Variants in PBX4 observed in about 807,000 individuals in gnomAD.
The protein encoded by PBX4 is PBX homeobox 4.
A neutral mutation model predicts 35.1 loss-of-function variants in PBX4; 26 were observed. That is an observed-to-expected ratio of 0.74 (90% CI 0.54 to 1.03). PBX4 has a LOEUF of 1.03. Ranked by LOEUF, PBX4 falls within the 50% of genes least tolerant of loss-of-function variation. The pLI is 0.00. For synonymous variants in PBX4, 199 were observed against 204.2 expected (o/e 0.97, Z 0.22); for missense variants, 448 against 504.3 (o/e 0.89, Z 1.07).
intron 1 of PBX4, among the ~76,000 whole-genome samples, chr19:19,603,426 G>A (rs963323456): frequency 2.0e-5 from 3 of 151,672 alleles, no homozygotes; most frequent in Admixed American, 6.6e-5. Flanking sequence ...ATTCTCCTGC[G>A]GCCTCCAGAG....
chr19:19,566,203 G>A (rs1444799770), intron 5 of PBX4, among the ~76,000 whole-genome samples: 2 of 152,182 alleles, frequency 1.3e-5, no homozygotes, highest in African/African-American at 4.8e-5. Flanking sequence ...GAGTCCCCCA[G>A]GGAGGGGCTT....
intron 1 of PBX4, chr19:19,608,732 G>A (rs1568399052): frequency 6.6e-6 from 1 of 152,560 alleles, no homozygotes; most frequent in Non-Finnish European, 1.5e-5. Context: ...CCTAGGCAAA[G>A]CCTCAAGTCC....
intron 2 of PBX4, among the ~76,000 whole-genome samples, chr19:19,599,067 C>G (rs568832522): frequency 2.6e-5 from 4 of 151,994 alleles, no homozygotes; most frequent in Non-Finnish European, 5.9e-5. Context: ...CTCCCAGGTT[C>G]AAGCGATTCT....
intron 2 of PBX4, among the ~76,000 whole-genome samples, chr19:19,585,950 G>A (rs1220383001): frequency 6.6e-6 from 1 of 152,190 alleles, no homozygotes; most frequent in East Asian, 1.9e-4. Context: ...AAGCCTGTTT[G>A]GTGGTCTCTT....
chr19:19,573,213 G>A (rs1005308051), intron 2 of PBX4, among the ~76,000 whole-genome samples: 1 of 151,758 alleles, frequency 6.6e-6, no homozygotes, highest in African/African-American at 2.4e-5. Flanking sequence ...GCTGAGGCAG[G>A]AGAATCGCTT....
At chr19:19,614,388 C>T (rs1273584819) in intron 1 of PBX4, among the ~76,000 whole-genome samples, 2 of 151,852 alleles carry the variant, frequency 1.3e-5, no homozygotes, top group African/African-American at 4.8e-5. Flanking sequence ...AATCCCAACA[C>T]TTTGAGAGGC....
At chr19:19,565,116 G>A in intron 5 of PBX4, 27 bp from the exon 6 acceptor site, 1 of 1,613,750 alleles carries the variant, frequency 6.2e-7, no homozygotes, top group East Asian at 2.2e-5. Context: ...GTCACTGGAG[G>A]AGCTGACCCA....
At chr19:19,565,385 T>C (rs1411963103) in intron 5 of PBX4, among the ~76,000 whole-genome samples, 2 of 152,138 alleles carry the variant, frequency 1.3e-5, no homozygotes, top group Non-Finnish European at 2.9e-5. Flanking sequence ...AACAAGACTG[T>C]CTGAGGTGGG....
At chr19:19,612,127 G>A (rs571375523) in intron 1 of PBX4, among the ~76,000 whole-genome samples, 17 of 151,952 alleles carry the variant, frequency 1.1e-4, no homozygotes, top group African/African-American at 2.4e-4. Context: ...AAATTAAGCC[G>A]GGCATGGTGG....
intron 2 of PBX4, among the ~76,000 whole-genome samples, chr19:19,591,536 G>A (rs1466201001): frequency 1.3e-5 from 2 of 152,248 alleles, no homozygotes; most frequent in Admixed American, 6.5e-5. Context: ...AGCCCTGGCT[G>A]AGAAACTTCT....
At position 19,565,044 on chromosome 19, in the gene PBX4, T is replaced by C. The variant is rs761236400; in HGVS notation, c.814A>G (p.Met272Val). The change falls in exon 6 of 8, where the codon ATG (methionine) becomes GTG (valine). Residue 272 changes from methionine (M) to valine (V), a missense_variant. Transcript: ENST00000251203. ...GNKRIRYKKN[M>V]GKFQEEATIY... Reference sequence around the variant, plus strand: ...GTAGCCTCTTCTTGAAACTTCCCCATGTTCTTTTTATACCGGATTCTTTTG... The same window carrying C: ...GTAGCCTCTTCTTGAAACTTCCCCACGTTCTTTTTATACCGGATTCTTTTG... 6.2e-7 allele frequency: 1 copy of C among 1,614,222 alleles called. No homozygotes were observed.
intron 2 of PBX4, among the ~76,000 whole-genome samples, chr19:19,572,116 CT>C (rs1418917027): frequency 7.5e-6 from 1 of 134,220 alleles, no homozygotes; most frequent in Non-Finnish European, 1.6e-5. Flanking sequence ...ATTCTGTCAC[CT>C]AGGCTGGGGT....
chr19:19,569,990 G>A, intron 4 of PBX4, 119 bp downstream of exon 4: 1 of 958,454 alleles, frequency 1.0e-6, no homozygotes, highest in Non-Finnish European at 1.5e-6. Context: ...GAGGCTGTGA[G>A]GCCTCCAACC....
At chr19:19,593,140 A>T (rs565898870) in intron 2 of PBX4, among the ~76,000 whole-genome samples, 1 of 152,288 alleles carries the variant, frequency 6.6e-6, no homozygotes, top group Admixed American at 6.5e-5. Context: ...TGTGTTGCCC[A>T]GGTTGGTCTC....
intron 6 of PBX4, 153 bp downstream of exon 6, chr19:19,564,780 G>C: frequency 1.0e-6 from 1 of 962,314 alleles, no homozygotes; most frequent in Non-Finnish European, 1.6e-6. Context: ...TGGCCAAGAG[G>C]AACAGAACTC....
chr19:19,572,070 C>CTTTTTTTTT (rs1249792389), intron 2 of PBX4, among the ~76,000 whole-genome samples: 1 of 69,112 alleles, frequency 1.4e-5, no homozygotes, highest in Non-Finnish European at 2.6e-5. Context: ...TAGAATCAGG[C>CTTTTTTTTT]TTTTTTTTTT....
intron 1 of PBX4, 53 bp downstream of exon 1, chr19:19,618,458 C>T (rs2061699600): frequency 7.3e-7 from 1 of 1,368,378 alleles, no homozygotes; most frequent in Non-Finnish European, 9.5e-7. Flanking sequence ...CCTCAGCCCG[C>T]CAACCTCACT....
intron 5 of PBX4, among the ~76,000 whole-genome samples, chr19:19,568,127 G>A (rs1600395506): frequency 6.8e-6 from 1 of 146,174 alleles, no homozygotes; most frequent in Non-Finnish European, 1.5e-5. Context: ...GTATCCCTCA[G>A]GGAGCTCACA....
chr19:19,617,437 CCTAA>C (rs767834611), intron 1 of PBX4, among the ~76,000 whole-genome samples: 7 of 152,116 alleles, frequency 4.6e-5, no homozygotes, highest in Admixed American at 2.0e-4. Context: ...CATCATCACA[CCTAA>C]CTAATTTTTT....
Sources: allele counts gnomAD v4.1 joint callset (sites outside exome capture counted in the v4.1 genomes callset), GRCh38; gene constraint gnomAD v4.1.1; transcripts MANE v1.5; gene names NCBI Gene and HGNC (gene_info 2026-07-23, HGNC 2026-07-21).